DNAH7: variants seen among roughly 807,000 people sequenced by gnomAD.
The protein encoded by DNAH7 is axonemal beta dynein heavy chain 7.
A neutral mutation model predicts 444.6 loss-of-function variants in DNAH7; 397 were observed. That is an observed-to-expected ratio of 0.89 (90% CI 0.82 to 0.97). DNAH7 has a LOEUF of 0.97. Among genes scored for constraint, DNAH7 ranks in the 50% least tolerant of loss-of-function variants. The pLI is 0.00. For synonymous variants in DNAH7, 1,636 were observed against 1,624.4 expected (o/e 1.01, Z -0.17); for missense variants, 4,902 against 4,800.8 (o/e 1.02, Z -0.62).
At chr2:195,957,210 A>G (rs763805049) in intron 19 of DNAH7, 51 bp downstream of exon 19, 2 of 1,405,826 alleles carry the variant, frequency 1.4e-6, no homozygotes, top group African/African-American at 2.9e-5. Context: ...GAAAACAAAA[A>G]TCATGTCACT....
At chr2:195,770,866 A>ATT (rs202188677) in intron 61 of DNAH7, among the ~76,000 whole-genome samples, 22 of 133,628 alleles carry the variant, frequency 1.6e-4, no homozygotes, top group South Asian at 1.2e-3. Flanking sequence ...AATGCCCAGC[A>ATT]TTTTTTTTTT....
intron 54 of DNAH7, among the ~76,000 whole-genome samples, chr2:195,804,052 A>AG (rs1412705856): frequency 1.1e-4 from 11 of 100,128 alleles, no homozygotes; most frequent in African/African-American, 2.7e-4. Context: ...TTGAGGGGAG[A>AG]GGGGGGGAAG....
intron 8 of DNAH7, among the ~76,000 whole-genome samples, chr2:196,022,152 A>G (rs1695422830): frequency 1.3e-5 from 2 of 152,152 alleles, no homozygotes; most frequent in Admixed American, 6.5e-5. Context: ...ATACACCTTA[A>G]TTTTAAAATA....
chr2:196,013,968 CA>C (rs1694863282), intron 9 of DNAH7, among the ~76,000 whole-genome samples: 1 of 152,152 alleles, frequency 6.6e-6, no homozygotes, highest in South Asian at 2.1e-4. Context: ...ATTGAGCCAC[CA>C]GACCAATTTT....
At chr2:195,830,714 A>G (rs1698025873) in intron 48 of DNAH7, among the ~76,000 whole-genome samples, 1 of 152,226 alleles carries the variant, frequency 6.6e-6, no homozygotes. Context: ...TGGATGGAAG[A>G]GCAAAAACAA....
intron 54 of DNAH7, among the ~76,000 whole-genome samples, chr2:195,805,253 AC>A (rs1469837217): frequency 2.0e-5 from 3 of 152,048 alleles, no homozygotes; most frequent in African/African-American, 7.2e-5. Context: ...TAAAACACGA[AC>A]TTTTTTTTTT....
At chr2:195,954,591 A>G (rs148833704) in intron 19 of DNAH7, among the ~76,000 whole-genome samples, 5,396 of 152,304 alleles carry the variant, frequency 0.035, 309 homozygotes, top group African/African-American at 0.12. Context: ...TAGATCCTTG[A>G]GGAATCACCA....
intron 51 of DNAH7, among the ~76,000 whole-genome samples, chr2:195,816,004 A>G (rs777634997): frequency 2.6e-5 from 4 of 152,226 alleles, no homozygotes; most frequent in Admixed American, 6.5e-5. Flanking sequence ...AACAAAACAA[A>G]ACAAAACAAA....
chr2:195,935,251 A>T (rs934218194), intron 20 of DNAH7, among the ~76,000 whole-genome samples: 40 of 152,216 alleles, frequency 2.6e-4, no homozygotes, highest in African/African-American at 9.7e-4. Context: ...CAGTTTACTA[A>T]ATCAACTGCG....
chr2:195,939,661 C>A (rs1036944718), intron 19 of DNAH7, among the ~76,000 whole-genome samples: 2 of 152,112 alleles, frequency 1.3e-5, no homozygotes, highest in African/African-American at 4.8e-5. Flanking sequence ...TAAAAGAACA[C>A]TGACTGACAA....
intron 64 of DNAH7, among the ~76,000 whole-genome samples, chr2:195,739,867 C>G (rs1013367716): frequency 6.6e-6 from 1 of 152,198 alleles, no homozygotes; most frequent in Non-Finnish European, 1.5e-5. Flanking sequence ...ACCTCATAAC[C>G]GTAAACAAGT....
At chr2:196,000,915 A>G in intron 11 of DNAH7, 32 bp from the exon 12 acceptor site, 3 of 1,491,312 alleles carry the variant, frequency 2.0e-6, no homozygotes, top group Non-Finnish European at 2.7e-6. Flanking sequence ...ACATACATAA[A>G]TATGTATGAA....
At position 196,040,573 on chromosome 2, in the gene DNAH7, C is replaced by T. The variant is rs535887334; in HGVS notation, c.398+6779G>A. Among the ~76,000 whole-genome samples the T allele has an allele frequency of 7.1e-4, 108 of 152,004 alleles. 5 individuals carry two copies. Among genetic ancestry groups the T allele is most frequent in the Non-Finnish European group, 4.3e-4 (29 of 67,942 alleles). On this transcript the variant is annotated intron_variant, in intron 5 of 64. Transcript: ENST00000312428. Reference sequence around the variant, plus strand: ...ACCTTGGTACAGAAGGAACATACCACAAAACAATAAAGGCCATATATGACA... The same window carrying T: ...ACCTTGGTACAGAAGGAACATACCATAAAACAATAAAGGCCATATATGACA...
intron 29 of DNAH7, 107 bp from the exon 30 acceptor site, chr2:195,895,331 T>A (rs1405713918): frequency 4.2e-6 from 3 of 720,422 alleles, no homozygotes; most frequent in Non-Finnish European, 6.3e-6. Context: ...TTCAACAATA[T>A]TTTTAACAGC....
At chr2:195,845,534 C>A (rs1698933251) in intron 46 of DNAH7, among the ~76,000 whole-genome samples, 1 of 152,064 alleles carries the variant, frequency 6.6e-6, no homozygotes, top group South Asian at 2.1e-4. Flanking sequence ...CATATGGAAC[C>A]AATAAAGAGC....
rs116667946 is a variant in DNAH7, at chr2:195,946,772, A to T, written c.3079-9980T>A. Among the ~76,000 whole-genome samples, 1,072 of 152,076 alleles carry T rather than the reference A, an allele frequency of 7.0e-3. 6 individuals carry two copies. The highest frequency in any genetic ancestry group is 0.024 in the African/African-American group (1,008 of 41,476). ...GGTCCTTGTCCCAAACCCAGATGAG[A>T]AGCACAGGAGGAGAGAAGTAGAGTG... On this transcript the variant is annotated intron_variant, in intron 19 of 64. Transcript: ENST00000312428.
At chr2:195,945,405 C>T (rs764113350) in intron 19 of DNAH7, among the ~76,000 whole-genome samples, 168 of 152,226 alleles carry the variant, frequency 1.1e-3, no homozygotes, top group Non-Finnish European at 7.9e-4. Flanking sequence ...TTATCACTGC[C>T]TCATAATACC....
chr2:196,056,346 G>C (rs766210049), intron 2 of DNAH7, among the ~76,000 whole-genome samples: 1 of 151,270 alleles, frequency 6.6e-6, no homozygotes, highest in Non-Finnish European at 1.5e-5. Context: ...TCAGGAGGCT[G>C]AGACAGGAGA....
At chr2:195,742,353 C>A (rs749584273) in intron 63 of DNAH7, among the ~76,000 whole-genome samples, 1 of 152,214 alleles carries the variant, frequency 6.6e-6, no homozygotes, top group African/African-American at 2.4e-5. Flanking sequence ...CCCTGCCTCA[C>A]TGACTCGAAA....
Sources: gnomAD v4.1 joint callset for allele counts (sites outside exome capture counted in the v4.1 genomes callset) on GRCh38, gnomAD v4.1.1 for gene constraint, MANE v1.5 for transcripts, NCBI Gene and HGNC (gene_info 2026-07-23, HGNC 2026-07-21) for gene names.